Variants in DCDC2 observed in about 807,000 individuals in gnomAD.
The protein encoded by DCDC2 is doublecortin domain containing 2.
DCDC2 carries 40 observed loss-of-function variants against 50.2 expected under a neutral mutation model. That is an observed-to-expected ratio of 0.80 (90% CI 0.62 to 1.04). The LOEUF is 1.04. Ranked by LOEUF, DCDC2 falls within the 50% of genes least tolerant of loss-of-function variation. The pLI is 0.00. For missense variants in DCDC2, 570 were observed against 581.9 expected (o/e 0.98, Z 0.21); for synonymous variants, 234 against 210.6 (o/e 1.11, Z -0.96).
chr6:24,251,400 A>G (rs796938469), intron 7 of DCDC2, among the ~76,000 whole-genome samples: 8 of 152,340 alleles, frequency 5.3e-5, no homozygotes, highest in African/African-American at 1.9e-4. Flanking sequence ...TTTAGAGATT[A>G]TAAGTTTGGA....
chr6:24,231,675 G>C (rs553721243), intron 7 of DCDC2, among the ~76,000 whole-genome samples: 1 of 152,016 alleles, frequency 6.6e-6, no homozygotes, highest in African/African-American at 2.4e-5. Flanking sequence ...TGGTGAAGAG[G>C]GGGAGGGAAG....
chr6:24,281,343 G>A (rs912158003), intron 6 of DCDC2, among the ~76,000 whole-genome samples: 8 of 148,146 alleles, frequency 5.4e-5, no homozygotes, highest in African/African-American at 1.8e-4. Context: ...TAATTGAAAT[G>A]CTTTTTTTTT....
At chr6:24,207,386 A>T (rs184412334) in intron 7 of DCDC2, among the ~76,000 whole-genome samples, 1 of 152,230 alleles carries the variant, frequency 6.6e-6, no homozygotes, top group Admixed American at 6.5e-5. Context: ...TATCATGAGC[A>T]TTTCTCATGT....
intron 8 of DCDC2, among the ~76,000 whole-genome samples, chr6:24,186,231 G>A (rs1581574368): frequency 1.3e-5 from 2 of 152,346 alleles, no homozygotes; most frequent in African/African-American, 2.4e-5. Context: ...TGGAATGACA[G>A]GTTGGCAGTA....
At chr6:24,202,703 T>G (rs1422084691) in intron 8 of DCDC2, among the ~76,000 whole-genome samples, 1 of 152,192 alleles carries the variant, frequency 6.6e-6, no homozygotes, top group African/African-American at 2.4e-5. Flanking sequence ...TTGTCTGTCT[T>G]TGTGGATGAC....
At chr6:24,292,082 C>T (rs1011908353) in intron 4 of DCDC2, among the ~76,000 whole-genome samples, 2 of 152,080 alleles carry the variant, frequency 1.3e-5, no homozygotes, top group African/African-American at 4.8e-5. Flanking sequence ...CCTTCCTTTA[C>T]TGTAAAACTG....
At chr6:24,175,257 C>T (rs1020093178) in intron 9 of DCDC2, among the ~76,000 whole-genome samples, 31 of 152,060 alleles carry the variant, frequency 2.0e-4, no homozygotes, top group African/African-American at 6.8e-4. Flanking sequence ...AATATGGTAC[C>T]AAGTACCATC....
chr6:24,375,982 G>A, the DCDC2 span, among the ~76,000 whole-genome samples: 3 of 151,986 alleles, frequency 2.0e-5, no homozygotes, highest in Admixed American at 2.0e-4. Context: ...ACTGTTAGGT[G>A]GACCCATCAG....
At chr6:24,371,848 T>C in the DCDC2 span, among the ~76,000 whole-genome samples, 1 of 152,172 alleles carries the variant, frequency 6.6e-6, no homozygotes, top group Admixed American at 6.5e-5. Flanking sequence ...AAGACATTTA[T>C]GCAGCCAAAA....
chr6:24,341,935 T>C (rs1169788923), intron 2 of DCDC2, among the ~76,000 whole-genome samples: 4 of 94,450 alleles, frequency 4.2e-5, no homozygotes, highest in Admixed American at 2.7e-4. Context: ...GGCGCACGCA[T>C]GTGTGCACGC....
At chr6:24,245,120 G>A (rs1762642344) in intron 7 of DCDC2, among the ~76,000 whole-genome samples, 1 of 152,172 alleles carries the variant, frequency 6.6e-6, no homozygotes, top group African/African-American at 2.4e-5. Context: ...CTTGAACCCG[G>A]GAGATAGAGG....
chr6:24,211,722 T>C (rs1363436759), intron 7 of DCDC2, among the ~76,000 whole-genome samples: 2 of 152,084 alleles, frequency 1.3e-5, no homozygotes, highest in Non-Finnish European at 2.9e-5. Context: ...GGAAAAACCA[T>C]GGACATGAAT....
upstream of DCDC2, chr6:24,358,122 G>A (rs1398450576): frequency 6.9e-6 from 4 of 578,292 alleles, no homozygotes. Context: ...CAGGAGAGAG[G>A]AGGACGCACA....
chr6:24,194,978 T>C (rs538941510), intron 8 of DCDC2, among the ~76,000 whole-genome samples: 1 of 151,834 alleles, frequency 6.6e-6, no homozygotes, highest in South Asian at 2.1e-4. Context: ...ATGAAAAGAG[T>C]CTGGACCTTG....
intron 6 of DCDC2, among the ~76,000 whole-genome samples, chr6:24,278,823 CT>C (rs1561755615): frequency 6.6e-6 from 1 of 152,194 alleles, no homozygotes; most frequent in Non-Finnish European, 1.5e-5. Flanking sequence ...ATACACTCTG[CT>C]TGTAGAAATT....
At chr6:24,233,484 T>C (rs947741764) in intron 7 of DCDC2, among the ~76,000 whole-genome samples, 1 of 152,218 alleles carries the variant, frequency 6.6e-6, no homozygotes, top group African/African-American at 2.4e-5. Flanking sequence ...AGATTATAAA[T>C]TGCTTAGTGT....
intron 2 of DCDC2, among the ~76,000 whole-genome samples, chr6:24,351,575 G>A (rs576798398): frequency 6.6e-6 from 1 of 152,340 alleles, no homozygotes; most frequent in East Asian, 1.9e-4. Flanking sequence ...CAAGAGGAAA[G>A]GAGTAAGTGG....
chr6:24,331,516 G>T (rs2127239895), intron 2 of DCDC2, among the ~76,000 whole-genome samples: 1 of 151,914 alleles, frequency 6.6e-6, no homozygotes, highest in Non-Finnish European at 1.5e-5. Context: ...TCCTTTATTT[G>T]ATATGCGATA....
upstream of DCDC2, among the ~76,000 whole-genome samples, chr6:24,358,686 A>AC (rs1338224060): frequency 1.5e-5 from 1 of 64,968 alleles, no homozygotes; most frequent in Admixed American, 2.9e-4. Flanking sequence ...TGTCTTAGAA[A>AC]ATAAAATATA....
Sources: allele counts gnomAD v4.1 joint callset (sites outside exome capture counted in the v4.1 genomes callset), GRCh38; gene constraint gnomAD v4.1.1; transcripts MANE v1.5; gene names NCBI Gene and HGNC (gene_info 2026-07-23, HGNC 2026-07-21).